Variants in FBP1 observed in about 807,000 individuals in gnomAD.
FBP1 encodes the protein fructose-bisphosphatase 1.
In FBP1, 22 loss-of-function variants were observed where a neutral mutation model predicts 29.9. That is an observed-to-expected ratio of 0.74 (90% CI 0.53 to 1.05). The LOEUF (loss-of-function observed/expected upper bound fraction) is 1.05. Ranked by LOEUF, FBP1 falls within the 50% of genes least tolerant of loss-of-function variation. The probability of loss-of-function intolerance (pLI) is 0.00; values close to 1 mark genes in which losing one functional copy is unlikely to be tolerated. For synonymous variants in FBP1, 175 were observed against 178.6 expected (o/e 0.98, Z 0.16); for missense variants, 345 against 448.2 (o/e 0.77, Z 2.08).
At chr9:94,605,600 T>C in intron 5 of FBP1, 24 bp from the exon 6 acceptor site, 2 of 1,612,184 alleles carry the variant, frequency 1.2e-6, no homozygotes, top group South Asian at 1.1e-5. Flanking sequence ...CCAGCAAGAA[T>C]TAGGATTGCA....
At chr9:94,626,494 G>T (rs1225539450) in intron 1 of FBP1, among the ~76,000 whole-genome samples, 1 of 152,178 alleles carries the variant, frequency 6.6e-6, no homozygotes, top group Non-Finnish European at 1.5e-5. Flanking sequence ...GCTTAGTCCT[G>T]TCAGGGCTGC....
intron 3 of FBP1, among the ~76,000 whole-genome samples, chr9:94,617,174 A>G (rs1827876236): frequency 6.6e-6 from 1 of 152,384 alleles, no homozygotes; most frequent in South Asian, 2.1e-4. Flanking sequence ...AGAATCAGCC[A>G]AAGGCAGTAT....
chr9:94,614,013 A>G (rs570883543), intron 3 of FBP1, among the ~76,000 whole-genome samples: 71 of 149,082 alleles, frequency 4.8e-4, no homozygotes, highest in Non-Finnish European at 8.5e-4. Flanking sequence ...CCCGGGAGGC[A>G]GGGCTTGCAG....
chr9:94,621,654 A>G (rs957572934), intron 1 of FBP1, among the ~76,000 whole-genome samples: 1 of 152,136 alleles, frequency 6.6e-6, no homozygotes, highest in African/African-American at 2.4e-5. Flanking sequence ...TACTACAGAT[A>G]TAGTAGATAT....
intron 1 of FBP1, among the ~76,000 whole-genome samples, chr9:94,630,082 A>C (rs1420529503): frequency 6.6e-6 from 1 of 152,220 alleles, no homozygotes; most frequent in Non-Finnish European, 1.5e-5. Flanking sequence ...TAAACATGGC[A>C]CATCTGAATG....
At chr9:94,623,865 A>C (rs1164077439) in intron 1 of FBP1, among the ~76,000 whole-genome samples, 1 of 152,202 alleles carries the variant, frequency 6.6e-6, no homozygotes, top group African/African-American at 2.4e-5. Flanking sequence ...ACAAGAAATA[A>C]ATAAGTGTTT....
In FBP1 at chr9:94,620,339, G is replaced by C; in HGVS notation, c.323C>G (p.Pro108Arg). 6.2e-7 allele frequency: 1 copy of C among 1,614,120 alleles called. No individual in the cohort carries two copies. The highest frequency in any genetic ancestry group is 8.5e-7 in the Non-Finnish European group (1 of 1,179,996). The change falls in exon 2 of 7, where the codon CCG becomes CGG. Residue 108 changes from proline (P) to arginine (R), a missense_variant. By Grantham distance (103) the Pro-to-Arg change is moderately radical. Coordinates refer to ENST00000375326, the MANE Select transcript of FBP1 (RefSeq NM_000507.4). ...EEDKHAIIVE[P>R]EKRGKYVVCF... Reference sequence around the variant, plus strand: ...GAAGTACAGACCCACCCTTTTCTCCGGTTCCACTATGATGGCGTGTTTATC... The same window carrying C: ...GAAGTACAGACCCACCCTTTTCTCCCGTTCCACTATGATGGCGTGTTTATC...
chr9:94,612,438 G>A (rs1827798897), intron 3 of FBP1, among the ~76,000 whole-genome samples: 1 of 151,864 alleles, frequency 6.6e-6, no homozygotes, highest in Non-Finnish European at 1.5e-5. Context: ...TTCCTCGCAC[G>A]GAATAAAAAA....
chr9:94,624,405 C>A (rs1827994051), intron 1 of FBP1, among the ~76,000 whole-genome samples: 1 of 150,310 alleles, frequency 6.7e-6, no homozygotes, highest in Non-Finnish European at 1.5e-5. Context: ...GTAATCCCAG[C>A]ACTTTGGGAG....
intron 1 of FBP1, among the ~76,000 whole-genome samples, chr9:94,626,535 C>G (rs1458721559): frequency 6.6e-6 from 1 of 152,164 alleles, no homozygotes. Context: ...GGACCAGACG[C>G]AGGCTCCATC....
rs1827931190 is a variant in FBP1, at chr9:94,620,492, C to T, written c.171-1G>A. On this transcript the variant is annotated splice_acceptor_variant, in intron 1 of 6. Transcript: ENST00000375326. LOFTEE classifies it high-confidence loss of function. ...GTTGGTAGAACCAGCAATGCCATAGCTACAGGGAACAAAAGCCACAAAAAA... is the reference window on the plus strand; with the variant it reads ...GTTGGTAGAACCAGCAATGCCATAGTTACAGGGAACAAAAGCCACAAAAAA... 1 of 1,613,900 alleles carries T rather than the reference C, an allele frequency of 6.2e-7. No homozygotes were observed. Among genetic ancestry groups the T allele is most frequent in the Admixed American group, 1.7e-5 (1 of 59,972 alleles).
Position 94,619,874 on chromosome 9 carries a change from C to CAAAAAAAAAAAAAAAAAAAAA in FBP1, c.333+434_333+454dup, listed in dbSNP as rs56722632. Among the ~76,000 whole-genome samples the CAAAAAAAAAAAAAAAAAAAAA allele has an allele frequency of 2.5e-4, 25 of 99,162 alleles. 2 individuals are homozygous for CAAAAAAAAAAAAAAAAAAAAA. Among genetic ancestry groups the CAAAAAAAAAAAAAAAAAAAAA allele is most frequent in the African/African-American group, 1.4e-3 (24 of 17,530 alleles). The allele number at this position is 99,162 out of a possible 152,430, so 65.1% of individuals were successfully genotyped here. ...GGGCAACAAGAGCAAAACACTGTCT[C>CAAAAAAAAAAAAAAAAAAAAA]AAAAAAAAAAAAAAAAAAAAAAAAA... is the stretch of plus-strand genomic sequence containing the variant. On this transcript the variant is annotated intron_variant, in intron 2 of 6. Coordinates refer to ENST00000375326, the MANE Select transcript of FBP1 (RefSeq NM_000507.4).
At position 94,619,975 on chromosome 9, in the gene FBP1, A is replaced by G. The variant is rs116846432; in HGVS notation, c.333+354T>C. ...GAAGTTTCAAGCAGTCTAGGTCAAC[A>G]GGAGGGTCAGTGTGAAGGTCAGGAA... On this transcript the variant is annotated intron_variant, in intron 2 of 6. Coordinates refer to ENST00000375326, the MANE Select transcript of FBP1 (RefSeq NM_000507.4). 6.2e-3 allele frequency among the ~76,000 whole-genome samples: 945 copies of G among 151,754 alleles called. 3 individuals are homozygous for G. The highest frequency in any genetic ancestry group is 0.038 in the Middle Eastern group (11 of 292).
intron 1 of FBP1, among the ~76,000 whole-genome samples, chr9:94,629,682 C>T (rs1395198743): frequency 6.6e-6 from 1 of 152,160 alleles, no homozygotes; most frequent in Non-Finnish European, 1.5e-5. Context: ...TCTCAACCCC[C>T]ACCAAGAGAG....
At chr9:94,633,953 G>A (rs1393326982) in intron 1 of FBP1, among the ~76,000 whole-genome samples, 2 of 150,646 alleles carry the variant, frequency 1.3e-5, no homozygotes, top group African/African-American at 2.4e-5. Context: ...TGATCCGCCC[G>A]ACTCGGCCTC....
At chr9:94,627,323 C>A (rs576588886) in intron 1 of FBP1, among the ~76,000 whole-genome samples, 1 of 152,184 alleles carries the variant, frequency 6.6e-6, no homozygotes, top group Non-Finnish European at 1.5e-5. Flanking sequence ...CCACTGCACT[C>A]CAGCCTGGGC....
intron 6 of FBP1, among the ~76,000 whole-genome samples, chr9:94,604,554 C>T (rs867589119): frequency 3.3e-5 from 5 of 151,010 alleles, no homozygotes; most frequent in Middle Eastern, 6.9e-3. Flanking sequence ...GAGGCTGTGG[C>T]GGGTGGATCA....
rs549117284 is a variant in FBP1 at position 94,638,629 on chromosome 9, G to A, written c.170+512C>T. Among the ~76,000 whole-genome samples, 181 of 116,880 alleles carry A rather than the reference G, an allele frequency of 1.5e-3. 5 individuals carry two copies. The East Asian group carries it at 0.036, about 23-fold the overall frequency. The allele number at this position is 116,880 out of a possible 152,430, so 76.7% of individuals were successfully genotyped here. A position where few individuals can be genotyped will look rare whatever the true frequency, so the allele number is the denominator to read the frequency against. On this transcript the variant is annotated intron_variant, in intron 1 of 6. Transcript: ENST00000375326. ...GGAGACCTCCCAGCCTGCTTGCGGGGGGGGCGGGGGGGACACTCGCTCCTA... is the reference window on the plus strand; with the variant it reads ...GGAGACCTCCCAGCCTGCTTGCGGGAGGGGCGGGGGGGACACTCGCTCCTA...
chr9:94,634,407 G>C (rs1276632882), intron 1 of FBP1, among the ~76,000 whole-genome samples: 1 of 152,016 alleles, frequency 6.6e-6, no homozygotes, highest in Non-Finnish European at 1.5e-5. Context: ...TCGTCTTCTG[G>C]AACTTTGTAC....
Sources: allele counts gnomAD v4.1 joint callset (sites outside exome capture counted in the v4.1 genomes callset), GRCh38; gene constraint gnomAD v4.1.1; transcripts MANE v1.5; gene names NCBI Gene and HGNC (gene_info 2026-07-23, HGNC 2026-07-21).